PCLO: variants seen among roughly 807,000 people sequenced by gnomAD.
The protein encoded by PCLO is protein piccolo.
Under a neutral mutation model 427.5 loss-of-function variants are expected in PCLO, and 82 were observed. That is an observed-to-expected ratio of 0.19 (90% CI 0.16 to 0.23). The LOEUF (loss-of-function observed/expected upper bound fraction) is 0.23. Among genes scored for constraint, PCLO ranks in the 10% least tolerant of loss-of-function variants. PCLO has a pLI of 1.00. For missense variants in PCLO, 6,239 were observed against 6,115.9 expected (o/e 1.02, Z -0.67); for synonymous variants, 2,357 against 2,155.4 (o/e 1.09, Z -2.59).
intron 3 of PCLO, among the ~76,000 whole-genome samples, chr7:83,104,846 G>A (rs551309390): frequency 6.6e-6 from 1 of 152,092 alleles, no homozygotes; most frequent in East Asian, 1.9e-4. Context: ...TCTAAGTCTT[G>A]GGCACTGCCC....
At chr7:82,896,728 C>T (rs1793914059) in intron 9 of PCLO, among the ~76,000 whole-genome samples, 1 of 151,238 alleles carries the variant, frequency 6.6e-6, no homozygotes, top group African/African-American at 2.4e-5. Context: ...AACTAGGATC[C>T]AATGAGATCT....
intron 3 of PCLO, among the ~76,000 whole-genome samples, chr7:82,994,721 C>T (rs1796456402): frequency 6.6e-6 from 1 of 151,550 alleles, no homozygotes; most frequent in Non-Finnish European, 1.5e-5. Flanking sequence ...TCACAGATAA[C>T]CATTTTCAAA....
intron 3 of PCLO, among the ~76,000 whole-genome samples, chr7:83,008,805 T>C (rs1788009181): frequency 6.6e-6 from 1 of 151,584 alleles, no homozygotes; most frequent in African/African-American, 2.4e-5. Context: ...TAGACAAAAA[T>C]GACTGGTTAA....
intron 22 of PCLO, among the ~76,000 whole-genome samples, chr7:82,788,866 CT>C (rs370273620): frequency 2.1e-4 from 32 of 151,240 alleles, no homozygotes; most frequent in African/African-American, 7.3e-4. Context: ...TAGACTGATA[CT>C]AGATAATATT....
chr7:83,139,664 G>A (rs987535443), intron 2 of PCLO, among the ~76,000 whole-genome samples: 1 of 152,082 alleles, frequency 6.6e-6, no homozygotes, highest in Non-Finnish European at 1.5e-5. Flanking sequence ...TATACCCTTT[G>A]CTTGAACAGA....
chr7:83,035,532 T>A (rs951106408), intron 3 of PCLO, among the ~76,000 whole-genome samples: 2 of 152,152 alleles, frequency 1.3e-5, no homozygotes, highest in Non-Finnish European at 2.9e-5. Flanking sequence ...CTCTGTAGTA[T>A]ATTAACTGGT....
chr7:83,125,728 C>G (rs1025968346), intron 3 of PCLO, among the ~76,000 whole-genome samples: 3 of 152,056 alleles, frequency 2.0e-5, no homozygotes, highest in Non-Finnish European at 4.4e-5. Context: ...ATCTCAAGTA[C>G]CCAGGGACAC....
rs191922732 is a variant in PCLO, at chr7:82,910,689, C to A, written c.13301-1676G>T. ...GTAAACATCCTAGTTATGATAAACA[C>A]ATTTAAAATATTAATTTGTCCTTTG... On this transcript the variant is annotated intron_variant, in intron 7 of 24. Coordinates refer to ENST00000333891, the MANE Select transcript of PCLO (RefSeq NM_033026.6). 1.9e-3 allele frequency among the ~76,000 whole-genome samples: 292 copies of A among 152,212 alleles called. 3 individuals are homozygous for A. The highest frequency in any genetic ancestry group is 6.6e-3 in the African/African-American group (273 of 41,552).
chr7:82,890,910 T>C (rs1183517567), intron 9 of PCLO, among the ~76,000 whole-genome samples: 3 of 152,052 alleles, frequency 2.0e-5, no homozygotes, highest in African/African-American at 4.8e-5. Flanking sequence ...GAAAATAATA[T>C]GTTTATTTTT....
At chr7:83,130,202 C>G (rs528615957) in intron 3 of PCLO, among the ~76,000 whole-genome samples, 1 of 152,008 alleles carries the variant, frequency 6.6e-6, no homozygotes, top group Non-Finnish European at 1.5e-5. Flanking sequence ...TTATTTGAGA[C>G]GAAGTCTCTC....
chr7:83,019,236 G>A (rs41604), intron 3 of PCLO, among the ~76,000 whole-genome samples: 32,060 of 151,812 alleles, frequency 0.21, 4,295 homozygotes, highest in Middle Eastern at 0.33. Flanking sequence ...TGTAAATAGT[G>A]TAGCTATTTT....
At chr7:82,905,058 C>A (rs137979839) in intron 8 of PCLO, among the ~76,000 whole-genome samples, 4 of 152,008 alleles carry the variant, frequency 2.6e-5, no homozygotes, top group African/African-American at 4.8e-5. Context: ...GATGGGGTTA[C>A]GGGTAGGTGT....
At chr7:83,151,231 G>T (rs766494854) in intron 2 of PCLO, among the ~76,000 whole-genome samples, 2 of 152,094 alleles carry the variant, frequency 1.3e-5, no homozygotes, top group Non-Finnish European at 2.9e-5. Context: ...AAAATGAAAC[G>T]ATATCACTAA....
In PCLO at chr7:82,950,402, C is replaced by T. The variant is rs1024248215; in HGVS notation, c.10186G>A (p.Glu3396Lys). ...ACAACAACATCTGTTAGAGGTATTT[C>T]TGAAACAGTGCTCAGGATACCAGGT... ...APPGILSTVS[E>K]IPLTDVVVKE... The change falls in exon 6 of 25, where the codon GAA becomes AAA. Residue 3396 changes from glutamate (E) to lysine (K), a missense_variant. Physicochemically the swap from Glu to Lys is moderately conservative, Grantham distance 56 (BLOSUM62 1). Transcript: ENST00000333891. 159 of 1,613,564 alleles carry T rather than the reference C, an allele frequency of 9.9e-5. 1 individual carries two copies. The highest frequency in any genetic ancestry group is 1.2e-4 in the Non-Finnish European group (139 of 1,179,832).
intron 1 of PCLO, among the ~76,000 whole-genome samples, chr7:83,158,424 G>T (rs910563431): frequency 9.2e-5 from 14 of 151,710 alleles, no homozygotes; most frequent in African/African-American, 3.1e-4. Context: ...GCTTAGGGCT[G>T]ATTACAGGTA....
In PCLO at chr7:82,949,856, G is replaced by C. The variant is rs1795292348; in HGVS notation, c.10732C>G (p.Pro3578Ala). 2 of 1,613,570 alleles carry C rather than the reference G, an allele frequency of 1.2e-6. No homozygotes were observed. Among genetic ancestry groups the C allele is most frequent in the Non-Finnish European group, 1.7e-6 (2 of 1,179,818 alleles). ...GGAGATGTGGCACTCAGATATTGAG[G>C]ACTTTGTGTGTCTGAATCTGCTTCT... ...QTEADSDTQS[P>A]QYLSATSPPK... Residue 3578 changes from proline to alanine, a missense_variant, in exon 6 of 25, where the codon CCT becomes GCT. By Grantham distance (27) the Pro-to-Ala change is conservative. Around this residue, in one of 5 missense-constraint regions of PCLO, gnomAD observed 4,677 missense variants for 4,468.4 expected, o/e 1.05. Transcript: ENST00000333891.
Position 82,845,251 on chromosome 7 carries a change from G to T in PCLO, c.14046+20C>A, listed in dbSNP as rs762020226. The T allele has an allele frequency of 9.5e-6, 15 of 1,573,194 alleles. No homozygotes were observed. Among genetic ancestry groups the T allele is most frequent in the Non-Finnish European group, 1.3e-5 (15 of 1,143,584 alleles). On this transcript the variant is annotated intron_variant, in intron 13 of 24. Coordinates refer to ENST00000333891, the MANE Select transcript of PCLO (RefSeq NM_033026.6). ...GAGCTAGAAAACAAGTGGGTCAGAG[G>T]TCACATCAACAATCCTCACCTTGCT...
intron 4 of PCLO, among the ~76,000 whole-genome samples, chr7:82,960,530 C>A (rs1040154815): frequency 2.6e-5 from 4 of 151,878 alleles, no homozygotes; most frequent in Non-Finnish European, 5.9e-5. Flanking sequence ...TGTACTATAT[C>A]AAATAAAGAT....
intron 2 of PCLO, among the ~76,000 whole-genome samples, chr7:83,144,383 T>TA (rs1791940825): frequency 6.7e-6 from 1 of 149,616 alleles, no homozygotes; most frequent in Admixed American, 6.7e-5. Context: ...ATCACACCAT[T>TA]GCACTCCAGC....
Sources: allele counts gnomAD v4.1 joint callset (sites outside exome capture counted in the v4.1 genomes callset), GRCh38; gene constraint gnomAD v4.1.1; regional missense constraint gnomAD v4.1.1; transcripts MANE v1.5; gene names NCBI Gene and HGNC (gene_info 2026-07-23, HGNC 2026-07-21).